CFAP99: variants seen among roughly 807,000 people sequenced by gnomAD.
CFAP99 encodes cilia and flagella associated protein 99, also known as cilia- and flagella-associated protein 99.
A neutral mutation model predicts 82.7 loss-of-function variants in CFAP99; 84 were observed. The ratio of observed to expected loss-of-function variants is 1.02; its 90% CI spans 0.85 to 1.22. The LOEUF is 1.22. Ranked by LOEUF, CFAP99 falls within the 50% of genes most tolerant of loss-of-function variation. The probability of loss-of-function intolerance (pLI) is 0.00; values close to 1 mark genes in which losing one functional copy is unlikely to be tolerated. For synonymous variants in CFAP99, 456 were observed against 429.5 expected (o/e 1.06, Z -0.76); for missense variants, 1,059 against 983.5 (o/e 1.08, Z -1.03).
intron 1 of CFAP99, 93 bp from the exon 2 acceptor site, chr4:2,426,366 C>T (rs1733682599): frequency 1.3e-6 from 1 of 779,218 alleles, no homozygotes; most frequent in African/African-American, 1.7e-5. Context: ...CTGCTACAGG[C>T]CCAACACCCT....
intron 11 of CFAP99, 117 bp downstream of exon 11, chr4:2,452,463 C>T: frequency 1.8e-6 from 2 of 1,088,706 alleles, no homozygotes; most frequent in East Asian, 2.6e-5. Flanking sequence ...CCCGTAGAAG[C>T]TACTGATGTG....
At chr4:2,424,435 A>G (rs2108707944) in intron 1 of CFAP99, among the ~76,000 whole-genome samples, 1 of 152,282 alleles carries the variant, frequency 6.6e-6, no homozygotes, top group East Asian at 1.9e-4. Flanking sequence ...CCTGGGCAAC[A>G]AGAGCAAAAC....
At position 2,448,321 on chromosome 4, in the gene CFAP99, TCCC is replaced by T. The variant is rs1458912988; in HGVS notation, c.643-1348_643-1346del. On this transcript the variant is annotated intron_variant, in intron 6 of 14. Coordinates refer to ENST00000635017, the Ensembl canonical transcript of CFAP99. This position sits in a 1 kb window ranked among gnomAD's most constrained non-coding sequence, Gnocchi z 5.2. ...CCCTGCCTGGGCCCTCACCATGTCC[TCCC>T]ATGCTCTATAGCTGTGTGCCTCTCA... Among the ~76,000 whole-genome samples the T allele has an allele frequency of 2.6e-5, 4 of 152,204 alleles. No individual in the cohort carries two copies. The highest frequency in any genetic ancestry group is 2.6e-4 in the Admixed American group (4 of 15,268).
At chr4:2,451,978 G>C (rs933875913) in intron 10 of CFAP99, among the ~76,000 whole-genome samples, 164 bp from the exon 11 acceptor site, 2 of 152,074 alleles carry the variant, frequency 1.3e-5, no homozygotes, top group Non-Finnish European at 2.9e-5. Context: ...GGGGATGGGT[G>C]GACAGTGGGT....
intron 11 of CFAP99, among the ~76,000 whole-genome samples, chr4:2,454,594 G>GTTTTTTTTTTTT (rs1204498727): frequency 1.2e-5 from 1 of 84,534 alleles, no homozygotes; most frequent in Non-Finnish European, 2.5e-5. Context: ...TTTTTTTTTT[G>GTTTTTTTTTTTT]TTTTTTTTTT....
At chr4:2,443,190 C>T in exon 5 of CFAP99, 1 of 1,535,834 alleles carries the variant, frequency 6.5e-7, no homozygotes, top group Non-Finnish European at 8.7e-7. Flanking sequence ...TGAGTGGAGC[C>T]TCATCTACGA....
chr4:2,437,716 C>T (rs552410602), intron 3 of CFAP99, among the ~76,000 whole-genome samples: 7 of 152,344 alleles, frequency 4.6e-5, no homozygotes, highest in East Asian at 3.9e-4. Context: ...CCTGCCTTGG[C>T]GGAAACTCGG....
chr4:2,442,638 C>T (rs1293229742), intron 4 of CFAP99, among the ~76,000 whole-genome samples: 1 of 152,176 alleles, frequency 6.6e-6, no homozygotes, highest in African/African-American at 2.4e-5. Context: ...CATGGAGCCC[C>T]GGACCCTCGG....
intron 6 of CFAP99, among the ~76,000 whole-genome samples, chr4:2,449,052 A>G (rs1734241080): frequency 6.6e-6 from 1 of 152,092 alleles, no homozygotes; most frequent in South Asian, 2.1e-4. Context: ...TTGATTTTCC[A>G]TGACTGTTAG....
intron 6 of CFAP99, 67 bp downstream of exon 6, chr4:2,445,375 A>T (rs1734141218): frequency 7.9e-7 from 1 of 1,258,764 alleles, no homozygotes; most frequent in Non-Finnish European, 1.0e-6. Flanking sequence ...GGGAGAGTGG[A>T]CTGTGTGGGC....
At chr4:2,437,644 C>T (rs1277284710) in intron 3 of CFAP99, among the ~76,000 whole-genome samples, 2 of 152,224 alleles carry the variant, frequency 1.3e-5, no homozygotes, top group East Asian at 3.8e-4. Context: ...CCCCTTGCCA[C>T]CCAGCTGGAG....
chr4:2,462,659 G>A lies in CFAP99; in HGVS notation c.1878G>A (p.Trp626Ter). ...GGCGACTGAAAGCCGGGGCCGGGTG[G>A]GGATGGCGGGCGCGGCGCGCAGGGA... The change falls in exon 15 of 15, where the codon TGG (tryptophan) becomes TGA (stop). Residue 626 changes from tryptophan to a stop codon, truncating the protein, a stop_gained. Coordinates refer to ENST00000635017, the Ensembl canonical transcript of CFAP99. LOFTEE classifies it low-confidence loss of function (END_TRUNC). This position sits in a 1 kb window ranked among gnomAD's most constrained non-coding sequence, Gnocchi z 4.1. The A allele has an allele frequency of 7.9e-7, 1 of 1,273,554 alleles. No homozygotes were observed. Among genetic ancestry groups the A allele is most frequent in the Non-Finnish European group, 9.9e-7 (1 of 1,012,572 alleles). The allele number at this position is 1,273,554 out of a possible 1,614,324, so 78.9% of individuals were successfully genotyped here.
rs1343332249 is a variant in CFAP99 at position 2,462,803 on chromosome 4, C to G, written c.2022C>G (p.Gly674=). 7.6e-7 allele frequency: 1 copy of G among 1,308,868 alleles called. No homozygotes were observed. The highest frequency in any genetic ancestry group is 3.9e-5 in the Admixed American group (1 of 25,934). The allele number at this position is 1,308,868 out of a possible 1,614,324, so 81.1% of individuals were successfully genotyped here. A position where few individuals can be genotyped will look rare whatever the true frequency, so the allele number is the denominator to read the frequency against. ...CTGCCCGCGCCGACGCGTTCCCCGG[C>G]CTGCAGGCGCAGCTAGAGGCGCAGC... Residue 674 remains glycine, a synonymous_variant, in exon 15 of 15, where the codon GGC becomes GGG. Coordinates refer to ENST00000635017, the Ensembl canonical transcript of CFAP99. This position sits in a 1 kb window ranked among gnomAD's most constrained non-coding sequence, Gnocchi z 4.1.
At chr4:2,460,073 G>A in exon 14 of CFAP99, 1 of 1,536,076 alleles carries the variant, frequency 6.5e-7, no homozygotes, top group South Asian at 1.2e-5. Flanking sequence ...GATGTCCATA[G>A]TGGAGCTGCG....
rs929626385 is a variant in CFAP99, at chr4:2,460,369, C to A, written c.1661+127C>A. Reference sequence around the variant, plus strand: ...CCTCCTGCCCAGGAAGTTCCCTTGCCGTAACTCCCCTGACCCCTATTATTG... The same window carrying A: ...CCTCCTGCCCAGGAAGTTCCCTTGCAGTAACTCCCCTGACCCCTATTATTG... On this transcript the variant is annotated intron_variant, in intron 14 of 14. Coordinates refer to ENST00000635017, the Ensembl canonical transcript of CFAP99. The A allele has an allele frequency of 1.4e-5, 11 of 794,460 alleles. No homozygotes were observed. In the African/African-American group the frequency reaches 1.5e-4, roughly 11 times the overall value. The allele number at this position is 794,460 out of a possible 1,614,324, so 49.2% of individuals were successfully genotyped here.
chr4:2,435,656 G>A (rs1733891219), intron 2 of CFAP99, among the ~76,000 whole-genome samples: 1 of 152,156 alleles, frequency 6.6e-6, no homozygotes, highest in South Asian at 2.1e-4. Flanking sequence ...GGACACAATG[G>A]CTCACGCTTG....
intron 3 of CFAP99, among the ~76,000 whole-genome samples, chr4:2,437,329 C>T (rs554979504): frequency 2.0e-5 from 3 of 152,324 alleles, no homozygotes; most frequent in South Asian, 2.1e-4. Flanking sequence ...CCACTGACCC[C>T]GAGGCCTTTG....
In CFAP99 at chr4:2,462,897, G is replaced by C. The variant is rs566346194; in HGVS notation, c.2116G>C (p.Gly706Arg). The C allele has an allele frequency of 1.7e-5, 22 of 1,324,090 alleles. No homozygotes were observed. Among genetic ancestry groups the C allele is most frequent in the East Asian group, 6.4e-5 (2 of 31,312 alleles). 82.0% of individuals were successfully genotyped at this position (1,324,090 alleles called of 1,614,324 possible). Reference sequence around the variant, plus strand: ...GCTGCAGCAGGGAGGCTCAGGACCCGGGCCCGCGCGCCGCCTGGAGGCCGC... The same window carrying C: ...GCTGCAGCAGGGAGGCTCAGGACCCCGGCCCGCGCGCCGCCTGGAGGCCGC... The change falls in exon 15 of 15, where the codon GGG (glycine) becomes CGG (arginine). Residue 706 changes from glycine (G) to arginine (R), a missense_variant. Gly to Arg is a moderately radical substitution (Grantham distance 125). Coordinates refer to ENST00000635017, the Ensembl canonical transcript of CFAP99. This position sits in a 1 kb window ranked among gnomAD's most constrained non-coding sequence, Gnocchi z 4.1.
chr4:2,460,078 G>A (rs550410218), exon 14 of CFAP99: 1 of 1,536,098 alleles, frequency 6.5e-7, no homozygotes, highest in African/African-American at 1.4e-5. Context: ...CCATAGTGGA[G>A]CTGCGAGAGC....
Sources: gnomAD v4.1 joint callset for allele counts (sites outside exome capture counted in the v4.1 genomes callset) on GRCh38, gnomAD v4.1.1 for gene constraint, Gnocchi (gnomAD v3.1) non-coding constraint, MANE v1.5 for transcripts, NCBI Gene and HGNC (gene_info 2026-07-23, HGNC 2026-07-21) for gene names.